The following GPR157 variants were observed in gnomAD, a reference collection of about 807,000 sequenced individuals.
GPR157 encodes G-protein coupled receptor 157.
A neutral mutation model predicts 23.5 loss-of-function variants in GPR157; 16 were observed. The observed-to-expected ratio is 0.68, with a 90% CI of 0.46 to 1.04. GPR157 has a LOEUF of 1.04. Among genes scored for constraint, GPR157 ranks in the 50% least tolerant of loss-of-function variants. The pLI is 0.00. For synonymous variants in GPR157, 200 were observed against 221.5 expected (o/e 0.90, Z 0.86); for missense variants, 440 against 460.7 (o/e 0.96, Z 0.41).
Position 9,100,464 on chromosome 1 carries a change from G to A in GPR157, c.*3955C>T, listed in dbSNP as rs1207219222. On this transcript the variant is annotated 3_prime_UTR_variant, in exon 4 of 4. Coordinates refer to ENST00000377411, the MANE Select transcript of GPR157 (RefSeq NM_024980.5). The stretch of plus-strand genomic sequence containing the variant: ...ATTTTTCTTGTCGTGGACACGTGAA[G>A]AGTTCTGTTTGCACCCTCAGCCTGG... 6.6e-6 allele frequency: 1 copy of A among 152,196 alleles called. No individual in the cohort carries two copies. The highest frequency in any genetic ancestry group is 1.5e-5 in the Non-Finnish European group (1 of 68,038). 9.4% of individuals were successfully genotyped at this position (152,196 alleles called of 1,614,324 possible). A position where few individuals can be genotyped will look rare whatever the true frequency, so the allele number is the denominator to read the frequency against.
At chr1:9,106,541 C>A (rs896118337) in intron 2 of GPR157, among the ~76,000 whole-genome samples, 3 of 152,228 alleles carry the variant, frequency 2.0e-5, no homozygotes, top group Non-Finnish European at 4.4e-5. Context: ...CACCCCCGCC[C>A]CAGGGCTCCG....
At chr1:9,117,698 G>A (rs1638712795) in intron 1 of GPR157, among the ~76,000 whole-genome samples, 1 of 152,136 alleles carries the variant, frequency 6.6e-6, no homozygotes, top group Admixed American at 6.6e-5. Flanking sequence ...GGAGGTGGAG[G>A]TTGCAGTAAA....
chr1:9,128,609 G>C lies in GPR157; in HGVS notation c.383+36C>G, dbSNP rs1399799589. ...AGACCGGGAGGGGTCGGCCTGTGTC[G>C]GGGGCTCCTGGAAAAGCAGCGCCAC... On this transcript the variant is annotated intron_variant, in intron 1 of 3. Coordinates refer to ENST00000377411, the MANE Select transcript of GPR157 (RefSeq NM_024980.5). This position sits in a 1 kb window ranked among gnomAD's most constrained non-coding sequence, Gnocchi z 6.3. 5 of 1,598,386 alleles carry C rather than the reference G, an allele frequency of 3.1e-6. No homozygotes were observed. Among genetic ancestry groups the C allele is most frequent in the Non-Finnish European group, 4.3e-6 (5 of 1,168,920 alleles).
At chr1:9,122,644 C>G (rs923393316) in intron 1 of GPR157, among the ~76,000 whole-genome samples, 22 of 152,226 alleles carry the variant, frequency 1.4e-4, no homozygotes, top group African/African-American at 5.3e-4. Flanking sequence ...CATGCACAAC[C>G]TGAACCCACT....
chr1:9,128,588 C>A lies in GPR157; in HGVS notation c.383+57G>T. 6.5e-7 allele frequency: 1 copy of A among 1,545,054 alleles called. No homozygotes were observed. The highest frequency in any genetic ancestry group is 8.9e-7 in the Non-Finnish European group (1 of 1,124,662). ...GACGCGGCCTCTGGGAGGGCAAGACCGGGAGGGGTCGGCCTGTGTCGGGGG... is the reference window on the plus strand; with the variant it reads ...GACGCGGCCTCTGGGAGGGCAAGACAGGGAGGGGTCGGCCTGTGTCGGGGG... On this transcript the variant is annotated intron_variant, in intron 1 of 3. Transcript: ENST00000377411. This position sits in a 1 kb window ranked among gnomAD's most constrained non-coding sequence, Gnocchi z 6.3.
intron 2 of GPR157, chr1:9,111,006 C>T: frequency 2.0e-6 from 1 of 508,832 alleles, no homozygotes; most frequent in Non-Finnish European, 3.6e-6. Flanking sequence ...CCCCACAGGC[C>T]CTTAATCGGC....
chr1:9,118,134 G>A lies in GPR157; in HGVS notation c.384-6645C>T, dbSNP rs1195987669. ...TCACCTGAGGAGCATGTAAAGAGAC[G>A]CTGGGCCTTGAGCTATCCTCAAATG... On this transcript the variant is annotated intron_variant, in intron 1 of 3. Transcript: ENST00000377411. The surrounding 1 kb of genome is among the most constrained non-coding windows in gnomAD (Gnocchi z 4.6). Among the ~76,000 whole-genome samples, 2 of 152,190 alleles carry A rather than the reference G, an allele frequency of 1.3e-5. No individual in the cohort carries two copies. Among genetic ancestry groups the A allele is most frequent in the Non-Finnish European group, 2.9e-5 (2 of 68,042 alleles).
In GPR157 at chr1:9,105,404, G is replaced by T. The variant is rs1344225412; in HGVS notation, c.792+82C>A. ...GCTGTGCCTTGGCCGACACTGGGGT[G>T]CAGCCACTGTGCTGCGGGAAGGAAT... On this transcript the variant is annotated intron_variant, in intron 3 of 3. Transcript: ENST00000377411. This position sits in a 1 kb window ranked among gnomAD's most constrained non-coding sequence, Gnocchi z 4.8. 1 of 1,299,846 alleles carries T rather than the reference G, an allele frequency of 7.7e-7. No individual in the cohort carries two copies. Among genetic ancestry groups the T allele is most frequent in the Non-Finnish European group, 1.1e-6 (1 of 951,074 alleles). The allele number at this position is 1,299,846 out of a possible 1,614,324, so 80.5% of individuals were successfully genotyped here.
chr1:9,105,381 T>A lies in GPR157; in HGVS notation c.792+105A>T. 1 of 1,040,890 alleles carries A rather than the reference T, an allele frequency of 9.6e-7. No individual in the cohort carries two copies. The highest frequency in any genetic ancestry group is 2.6e-5 in the East Asian group (1 of 37,786). 64.5% of individuals were successfully genotyped at this position (1,040,890 alleles called of 1,614,324 possible). A position where few individuals can be genotyped will look rare whatever the true frequency, so the allele number is the denominator to read the frequency against. On this transcript the variant is annotated intron_variant, in intron 3 of 3. Coordinates refer to ENST00000377411, the MANE Select transcript of GPR157 (RefSeq NM_024980.5). The surrounding 1 kb of genome is among the most constrained non-coding windows in gnomAD (Gnocchi z 4.8). ...GTGGGGCCGAGCTCCTCCCTGCAGC[T>A]GTGCCTTGGCCGACACTGGGGTGCA...
chr1:9,117,863 C>T (rs1027013842), intron 1 of GPR157, among the ~76,000 whole-genome samples: 5 of 152,050 alleles, frequency 3.3e-5, no homozygotes, highest in African/African-American at 1.2e-4. Flanking sequence ...CCCCTTCATA[C>T]GGGAAGCCAC....
intron 1 of GPR157, among the ~76,000 whole-genome samples, chr1:9,121,281 G>A (rs1638792935): frequency 6.6e-6 from 1 of 151,692 alleles, no homozygotes; most frequent in Non-Finnish European, 1.5e-5. Context: ...GTACTGAGTA[G>A]AGATCACACC....
At chr1:9,123,168 A>G (rs1206235960) in intron 1 of GPR157, among the ~76,000 whole-genome samples, 1 of 127,566 alleles carries the variant, frequency 7.8e-6, no homozygotes, top group Non-Finnish European at 1.6e-5. Flanking sequence ...GGTGGGAAAA[A>G]AAAAAAATAT....
intron 2 of GPR157, among the ~76,000 whole-genome samples, chr1:9,109,947 G>T (rs1365985342): frequency 6.6e-6 from 1 of 152,138 alleles, no homozygotes; most frequent in Non-Finnish European, 1.5e-5. Context: ...TGGCCTACAA[G>T]ATGGGTACAC....
At position 9,105,284 on chromosome 1, in the gene GPR157, C is replaced by T. The variant is rs527632804; in HGVS notation, c.792+202G>A. Among the ~76,000 whole-genome samples the T allele has an allele frequency of 1.3e-5, 2 of 152,118 alleles. No homozygotes were observed. Among genetic ancestry groups the T allele is most frequent in the South Asian group, 2.1e-4 (1 of 4,826 alleles). On this transcript the variant is annotated intron_variant, in intron 3 of 3. Transcript: ENST00000377411. The surrounding 1 kb of genome is among the most constrained non-coding windows in gnomAD (Gnocchi z 4.8). ...GTCACTGGTGAGCACCTCACCACCC[C>T]GGACCACACTGATCCCACTCTGCCT... is the stretch of plus-strand genomic sequence containing the variant.
intron 1 of GPR157, among the ~76,000 whole-genome samples, chr1:9,121,098 C>T (rs1160067579): frequency 6.6e-6 from 1 of 152,032 alleles, no homozygotes; most frequent in Admixed American, 6.6e-5. Flanking sequence ...TTTGGGAGGG[C>T]GAGGTGGCTG....
rs748877924 is a variant in GPR157, at chr1:9,120,987, C to T, written c.383+7658G>A. Among the ~76,000 whole-genome samples, 1 of 152,232 alleles carries T rather than the reference C, an allele frequency of 6.6e-6. No homozygotes were observed. The highest frequency in any genetic ancestry group is 1.5e-5 in the Non-Finnish European group (1 of 68,050). On this transcript the variant is annotated intron_variant, in intron 1 of 3. Coordinates refer to ENST00000377411, the MANE Select transcript of GPR157 (RefSeq NM_024980.5). This position sits in a 1 kb window ranked among gnomAD's most constrained non-coding sequence, Gnocchi z 4.1. Reference sequence around the variant, plus strand: ...AGATGCCACTGCCTGGGGAGACGGGCCAGCTCTGCCACTGGCTTGTCCTTG... The same window carrying T: ...AGATGCCACTGCCTGGGGAGACGGGTCAGCTCTGCCACTGGCTTGTCCTTG...
intron 1 of GPR157, among the ~76,000 whole-genome samples, chr1:9,116,296 TA>T (rs1638664497): frequency 5.3e-4 from 6 of 11,288 alleles, no homozygotes; most frequent in African/African-American, 3.8e-3. Context: ...ATATATAAAT[TA>T]TATATATTAT....
rs67666673 is a variant in GPR157 at position 9,103,098 on chromosome 1, C to CTT, written c.*1319_*1320dup. The CTT allele has an allele frequency of 1.3e-5, 1 of 79,352 alleles. No individual in the cohort carries two copies. The highest frequency in any genetic ancestry group is 2.9e-5 in the Non-Finnish European group (1 of 34,804). The allele number at this position is 79,352 out of a possible 1,614,324, so 4.9% of individuals were successfully genotyped here. On this transcript the variant is annotated 3_prime_UTR_variant, in exon 4 of 4. Coordinates refer to ENST00000377411, the MANE Select transcript of GPR157 (RefSeq NM_024980.5). ...AGCTCCGGGCGACAGAATGAGGCTC[C>CTT]TTTTTTAAAAAAAAAAAAAAAAAAA...
In GPR157 at chr1:9,128,771, G is replaced by A. The variant is rs1639023877; in HGVS notation, c.257C>T (p.Ser86Phe). The change falls in exon 1 of 4, where the codon TCC (serine) becomes TTC (phenylalanine). Residue 86 changes from serine to phenylalanine, a missense_variant. Coordinates refer to ENST00000377411, the MANE Select transcript of GPR157 (RefSeq NM_024980.5). This position sits in a 1 kb window ranked among gnomAD's most constrained non-coding sequence, Gnocchi z 6.3. Reference protein sequence around the residue: ...SWDCVLQGALSTFANTSSFFW... With the variant: ...SWDCVLQGALFTFANTSSFFW... ...GAAGGAGCTGGTGTTGGCGAAGGTGGACAGCGCGCCCTGCAGCACGCAGTC... is the reference window on the plus strand; with the variant it reads ...GAAGGAGCTGGTGTTGGCGAAGGTGAACAGCGCGCCCTGCAGCACGCAGTC... 1 of 1,612,272 alleles carries A rather than the reference G, an allele frequency of 6.2e-7. No homozygotes were observed. Among genetic ancestry groups the A allele is most frequent in the African/African-American group, 1.3e-5 (1 of 75,032 alleles).
Sources: allele counts gnomAD v4.1 joint callset (sites outside exome capture counted in the v4.1 genomes callset), GRCh38; gene constraint gnomAD v4.1.1; non-coding constraint Gnocchi (gnomAD v3.1); transcripts MANE v1.5; gene names NCBI Gene and HGNC (gene_info 2026-07-23, HGNC 2026-07-21).